RBFOX1: variants seen among roughly 807,000 people sequenced by gnomAD.
The protein encoded by RBFOX1 is RNA binding protein fox-1 homolog 1.
RBFOX1 carries 8 observed loss-of-function variants against 57.7 expected under a neutral mutation model. The ratio of observed to expected loss-of-function variants is 0.14; its 90% CI spans 0.08 to 0.25. The LOEUF is 0.25. RBFOX1 is among the 10% of genes least tolerant of loss of function. The probability of loss-of-function intolerance (pLI) is 1.00; values close to 1 mark genes in which losing one functional copy is unlikely to be tolerated. For missense variants in RBFOX1, 611 were observed against 548.5 expected, an observed-to-expected ratio of 1.11 and a Z score of -1.14; for synonymous variants, 326 against 222.4, an observed-to-expected ratio of 1.47 and a Z score of -4.15.
intron 2 of RBFOX1, among the ~76,000 whole-genome samples, chr16:6,537,825 G>T (rs897992524): frequency 6.6e-6 from 1 of 152,080 alleles, no homozygotes; most frequent in Non-Finnish European, 1.5e-5. Context: ...TACATATCCA[G>T]CAGGAGTGAT....
chr16:6,513,079 A>C (rs2096286856), intron 2 of RBFOX1, among the ~76,000 whole-genome samples: 1 of 152,322 alleles, frequency 6.6e-6, no homozygotes, highest in South Asian at 2.1e-4. Context: ...TGAAGAATCC[A>C]AGTCAGCCAG....
At chr16:6,918,390 G>A (rs552620529) in intron 3 of RBFOX1, among the ~76,000 whole-genome samples, 11 of 152,206 alleles carry the variant, frequency 7.2e-5, no homozygotes, top group East Asian at 1.9e-4. Context: ...AGCTACCCGG[G>A]TGATTCTGGG....
chr16:7,408,974 C>G (rs764982501), intron 4 of RBFOX1, among the ~76,000 whole-genome samples: 10 of 152,174 alleles, frequency 6.6e-5, no homozygotes, highest in Non-Finnish European at 1.2e-4. Context: ...TTCTTCTTTT[C>G]TTTTTGCATC....
chr16:5,392,842 A>T (rs2066451435), intron 1 of RBFOX1, among the ~76,000 whole-genome samples: 2 of 151,180 alleles, frequency 1.3e-5, no homozygotes, highest in Non-Finnish European at 2.9e-5. Flanking sequence ...GACCACACAG[A>T]CTCCTGTCTC....
At chr16:7,431,514 A>T (rs1191639353) in intron 4 of RBFOX1, among the ~76,000 whole-genome samples, 2 of 152,160 alleles carry the variant, frequency 1.3e-5, no homozygotes, top group Non-Finnish European at 2.9e-5. Context: ...GTGTGGGATT[A>T]TGGGCGTGAG....
intron 2 of RBFOX1, among the ~76,000 whole-genome samples, chr16:6,566,182 A>G (rs1001815685): frequency 1.3e-5 from 2 of 152,236 alleles, no homozygotes; most frequent in African/African-American, 4.8e-5. Context: ...AGGAGGTACA[A>G]TCACCTCCGT....
intron 3 of RBFOX1, among the ~76,000 whole-genome samples, chr16:6,720,854 A>G (rs780906780): frequency 2.6e-5 from 4 of 152,232 alleles, no homozygotes; most frequent in Non-Finnish European, 4.4e-5. Context: ...TATCAGAACC[A>G]TGATTCATTC....
intron 1 of RBFOX1, among the ~76,000 whole-genome samples, chr16:6,087,960 T>C (rs1446700989): frequency 6.6e-6 from 1 of 152,202 alleles, no homozygotes; most frequent in Non-Finnish European, 1.5e-5. Context: ...CTTATCTTAT[T>C]TCTTGTATAA....
intron 3 of RBFOX1, among the ~76,000 whole-genome samples, chr16:5,854,414 T>G (rs1050226809): frequency 6.6e-6 from 1 of 152,240 alleles, no homozygotes; most frequent in African/African-American, 2.4e-5. Flanking sequence ...ATCTCATGTA[T>G]TAGTGAAATC....
intron 1 of RBFOX1, among the ~76,000 whole-genome samples, chr16:5,405,059 G>A (rs1453394781): frequency 6.6e-6 from 1 of 152,174 alleles, no homozygotes; most frequent in African/African-American, 2.4e-5. Context: ...TACTGATGTG[G>A]AATCTGTGCA....
At chr16:7,102,814 AT>A (rs2062916429) in intron 4 of RBFOX1, among the ~76,000 whole-genome samples, 1 of 152,122 alleles carries the variant, frequency 6.6e-6, no homozygotes, top group South Asian at 2.1e-4. Flanking sequence ...CCAACCAGCA[AT>A]TTTTTTGAGA....
At chr16:6,068,721 G>A (rs75582091) in intron 1 of RBFOX1, among the ~76,000 whole-genome samples, 8 of 152,084 alleles carry the variant, frequency 5.3e-5, no homozygotes, top group South Asian at 2.1e-4. Context: ...AATCACTTAC[G>A]TCTTTAGAGG....
chr16:7,175,829 C>G (rs2081543943), intron 4 of RBFOX1, among the ~76,000 whole-genome samples: 1 of 152,140 alleles, frequency 6.6e-6, no homozygotes, highest in African/African-American at 2.4e-5. Context: ...TTGCAGTAAT[C>G]TAGGAAAAGG....
intron 2 of RBFOX1, among the ~76,000 whole-genome samples, chr16:5,590,792 A>G (rs1293116209): frequency 6.6e-6 from 1 of 152,188 alleles, no homozygotes; most frequent in Admixed American, 6.6e-5. Flanking sequence ...TTGGGTTGAA[A>G]TCTGAGAGTG....
chr16:6,823,298 C>T (rs1000763227), intron 3 of RBFOX1, among the ~76,000 whole-genome samples: 20 of 151,728 alleles, frequency 1.3e-4, no homozygotes, highest in Middle Eastern at 3.4e-3. Flanking sequence ...GCTCTGTCAC[C>T]GTGGCTGGAG....
chr16:7,062,040 G>T (rs566720132), intron 4 of RBFOX1, among the ~76,000 whole-genome samples: 1 of 152,046 alleles, frequency 6.6e-6, no homozygotes, highest in Non-Finnish European at 1.5e-5. Flanking sequence ...CAACGAGGCC[G>T]GGTGTGGTGG....
intron 1 of RBFOX1, among the ~76,000 whole-genome samples, chr16:5,248,002 G>A (rs920825355): frequency 1.3e-5 from 2 of 152,180 alleles, no homozygotes; most frequent in African/African-American, 2.4e-5. Context: ...ATGGGGAAGA[G>A]AAAGGAGGGA....
chr16:5,746,049 T>C (rs2052967697), intron 3 of RBFOX1, among the ~76,000 whole-genome samples: 1 of 152,348 alleles, frequency 6.6e-6, no homozygotes, highest in Non-Finnish European at 1.5e-5. Flanking sequence ...CTAGGTTTTC[T>C]TGTAGGGTTT....
intron 2 of RBFOX1, among the ~76,000 whole-genome samples, chr16:6,332,249 G>A (rs552192473): frequency 9.5e-4 from 144 of 152,256 alleles, no homozygotes; most frequent in African/African-American, 3.4e-3. Flanking sequence ...CGTAGAAGGC[G>A]GGAAGAGCTA....
Sources: gnomAD v4.1 joint callset for allele counts (sites outside exome capture counted in the v4.1 genomes callset) on GRCh38, gnomAD v4.1.1 for gene constraint, MANE v1.5 for transcripts, NCBI Gene and HGNC (gene_info 2026-07-23, HGNC 2026-07-21) for gene names.